STAB1: variants seen among roughly 807,000 people sequenced by gnomAD.
The protein encoded by STAB1 is stabilin 1.
Under a neutral mutation model 332.4 loss-of-function variants are expected in STAB1, and 250 were observed. The observed-to-expected ratio is 0.75, with a 90% confidence interval of 0.68 to 0.84. The LOEUF (loss-of-function observed/expected upper bound fraction) is 0.84. Ranked by LOEUF, STAB1 falls within the 40% of genes least tolerant of loss-of-function variation. The pLI is 0.00. For synonymous variants in STAB1, 1,475 were observed against 1,390.4 expected, an observed-to-expected ratio of 1.06 and a Z score of -1.35; for missense variants, 3,249 against 3,489.7, an observed-to-expected ratio of 0.93 and a Z score of 1.74.
At chr3:52,513,045 A>AC (rs71633093) in intron 29 of STAB1, 85 bp from the exon 30 acceptor site, 2 of 1,558,336 alleles carry the variant, frequency 1.3e-6, no homozygotes, top group African/African-American at 2.7e-5. Flanking sequence ...GCAGGCACTC[A>AC]CCCCTTGGGG....
Position 52,501,632 on chromosome 3 carries a change from C to A in STAB1, c.216-6C>A. The stretch of plus-strand genomic sequence containing the variant: ...TTCCATCACCCTGCCCACCCTCTGC[C>A]CCCAGCTACGAAGTACAGCTGGGGG... On this transcript the variant is annotated splice_region_variant and splice_polypyrimidine_tract_variant and intron_variant, in intron 2 of 68. Coordinates refer to ENST00000321725, the MANE Select transcript of STAB1 (RefSeq NM_015136.3). 2 of 1,553,140 alleles carry A rather than the reference C, an allele frequency of 1.3e-6. No homozygotes were observed. Among genetic ancestry groups the A allele is most frequent in the Non-Finnish European group, 1.7e-6 (2 of 1,148,508 alleles).
Position 52,502,048 on chromosome 3 carries a change from C to T in STAB1, c.374C>T (p.Thr125Ile), listed in dbSNP as rs541177060. ...GAGACCCCATGCAATGGCCACGGGACCTGCTTGGATGGCATGGACAGGAAT... is the reference window on the plus strand; with the variant it reads ...GAGACCCCATGCAATGGCCACGGGATCTGCTTGGATGGCATGGACAGGAAT... ...GAETPCNGHG[T>I]CLDGMDRNGT... The change falls in exon 4 of 69, where the codon ACC becomes ATC. Residue 125 changes from threonine (T) to isoleucine (I), a missense_variant. Transcript: ENST00000321725. The T allele has an allele frequency of 1.2e-6, 2 of 1,613,444 alleles. No homozygotes were observed. Among genetic ancestry groups the T allele is most frequent in the Non-Finnish European group, 1.7e-6 (2 of 1,180,018 alleles).
At chr3:52,518,906 C>CCTCGCCCCGCCCCGCCCCGCCCCGT in intron 48 of STAB1, 37 bp downstream of exon 48, 1 of 1,438,326 alleles carries the variant, frequency 7.0e-7, no homozygotes, top group Non-Finnish European at 9.1e-7. Context: ...CTCCATCCCG[C>CCTCGCCCCGCCCCGCCCCGCCCCGT]CCCGCCCCGC....
Position 52,520,878 on chromosome 3 carries a change from C to T in STAB1, c.5781C>T (p.Arg1927=), listed in dbSNP as rs767428877. The change falls in exon 55 of 69, where the codon CGC becomes CGT. Residue 1927 remains arginine, a synonymous_variant. Transcript: ENST00000321725. ...TSPPLHSLGL[R]SVWVHPSLWG... Reference sequence around the variant, plus strand: ...CTCCGCTGCACTCTTTGGGATTACGCAGCGTCTGGGTCCACCCCAGCCTTT... The same window carrying T: ...CTCCGCTGCACTCTTTGGGATTACGTAGCGTCTGGGTCCACCCCAGCCTTT... 4 of 1,612,430 alleles carry T rather than the reference C, an allele frequency of 2.5e-6. No individual in the cohort carries two copies. In the South Asian group the frequency reaches 4.4e-5, roughly 18 times the overall value.
At chr3:52,503,241 G>T in intron 7 of STAB1, 103 bp from the exon 8 acceptor site, 1 of 1,507,270 alleles carries the variant, frequency 6.6e-7, no homozygotes. Context: ...CTATCCTCAA[G>T]GCCTAGGTCA....
At position 52,523,732 on chromosome 3, in the gene STAB1, C is replaced by T; in HGVS notation, c.7371C>T (p.Ser2457=). Residue 2457 remains serine (S), a synonymous_variant, in exon 66 of 69, where the codon AGC becomes AGT. Coordinates refer to ENST00000321725, the MANE Select transcript of STAB1 (RefSeq NM_015136.3). The part of the protein sequence containing the change: ...AFNGIIHALA[S]PLLAPPQPQA... The stretch of plus-strand genomic sequence containing the variant: ...ATGGCATCATCCATGCTCTGGCCAG[C>T]CCCCTCCTGGCACCCCCACAGCCCG... 3 of 1,600,134 alleles carry T rather than the reference C, an allele frequency of 1.9e-6. No homozygotes were observed. Among genetic ancestry groups the T allele is most frequent in the Middle Eastern group, 1.7e-4 (1 of 6,034 alleles).
Position 52,508,012 on chromosome 3 carries a change from A to C in STAB1, c.2134A>C (p.Asn712His). ...VLKKGCASYC[N>H]QTIMEQGCCK... is the part of the protein sequence containing the mutation. ...AAAGAAGGGCTGTGCCAGCTACTGC[A>C]ACCAAACCATCATGGTAAGCGTGGG... The change falls in exon 20 of 69, where the codon AAC (asparagine) becomes CAC (histidine). Residue 712 changes from asparagine to histidine, a missense_variant. Physicochemically the swap from Asn to His is moderately conservative, Grantham distance 68. Transcript: ENST00000321725. 6.2e-7 allele frequency: 1 copy of C among 1,613,586 alleles called. No homozygotes were observed. The highest frequency in any genetic ancestry group is 8.5e-7 in the Non-Finnish European group (1 of 1,179,968).
Position 52,523,635 on chromosome 3 carries a change from C to T in STAB1, c.7291-17C>T. 1 of 1,612,906 alleles carries T rather than the reference C, an allele frequency of 6.2e-7. No homozygotes were observed. The highest frequency in any genetic ancestry group is 1.1e-5 in the South Asian group (1 of 91,086). Reference sequence around the variant, plus strand: ...TGGCCCTCGCTCACAGTGGGCCTGACTCTGGTCTCCCTGCAGGCCCCAGGG... The same window carrying T: ...TGGCCCTCGCTCACAGTGGGCCTGATTCTGGTCTCCCTGCAGGCCCCAGGG... On this transcript the variant is annotated splice_polypyrimidine_tract_variant and intron_variant, in intron 65 of 68. Transcript: ENST00000321725.
chr3:52,504,833 C>T lies in STAB1; in HGVS notation c.1334C>T (p.Thr445Met), dbSNP rs778458029. The change falls in exon 12 of 69, where the codon ACG becomes ATG. Residue 445 changes from threonine (T) to methionine (M), a missense_variant. Transcript: ENST00000321725. ...TRTQQTRRWW[T>M]LAGQEITVTF... is the part of the protein sequence containing the mutation. ...ACCCAACAAACACGAAGGTGGTGGA[C>T]GCTGGCCGGGCAGGAGATCACCGTC... is the stretch of plus-strand genomic sequence containing the variant. The T allele has an allele frequency of 1.9e-5, 31 of 1,613,676 alleles. No individual in the cohort carries two copies. Among genetic ancestry groups the T allele is most frequent in the Admixed American group, 3.3e-5 (2 of 60,000 alleles).
chr3:52,519,953 C>T lies in STAB1; in HGVS notation c.5245C>T (p.Leu1749Phe), dbSNP rs1325948831. 4 of 1,580,808 alleles carry T rather than the reference C, an allele frequency of 2.5e-6. No individual in the cohort carries two copies. Among genetic ancestry groups the T allele is most frequent in the African/African-American group, 2.7e-5 (2 of 73,864 alleles). The change falls in exon 51 of 69, where the codon CTC becomes TTC. Residue 1749 changes from leucine (L) to phenylalanine (F), a missense_variant. By Grantham distance (22) the Leu-to-Phe change is conservative (BLOSUM62 0). Transcript: ENST00000321725. ...TGCTGCACCCCACCAGGTGGCCGGC[C>T]TCCTGCCCCTGCTTCGAGAGGCATC... ...IFSGLLKVAG[L>F]LPLLREASHR...
chr3:52,515,472 G>T lies in STAB1; in HGVS notation c.3914G>T (p.Arg1305Leu), dbSNP rs549309835. 1 of 1,613,406 alleles carries T rather than the reference G, an allele frequency of 6.2e-7. No homozygotes were observed. Among genetic ancestry groups the T allele is most frequent in the Non-Finnish European group, 8.5e-7 (1 of 1,180,004 alleles). Reference sequence around the variant, plus strand: ...TACCGATCTGGCTTCTCCTTCTCCCGGGGCTGCTCTTACACATGTGCCAAG... The same window carrying T: ...TACCGATCTGGCTTCTCCTTCTCCCTGGGCTGCTCTTACACATGTGCCAAG... ...CVYRSGFSFS[R>L]GCSYTCAKKI... Residue 1305 changes from arginine to leucine, a missense_variant, in exon 37 of 69, where the codon CGG (arginine) becomes CTG (leucine). Physicochemically the swap from Arg to Leu is moderately radical, Grantham distance 102. Coordinates refer to ENST00000321725, the MANE Select transcript of STAB1 (RefSeq NM_015136.3).
chr3:52,495,524 G>T, intron 1 of STAB1, 33 bp downstream of exon 1: 1 of 1,301,876 alleles, frequency 7.7e-7, no homozygotes, highest in South Asian at 3.0e-5. Context: ...GGCACACGGC[G>T]TCTGGGCCCT....
rs368165101 is a variant in STAB1 at position 52,512,791 on chromosome 3, C to T, written c.3028-37C>T. ...GGATCTGAAGATGATGGCTGCCTTC[C>T]TCGCTCCTCCCGCCCCTGCTCCCTG... On this transcript the variant is annotated intron_variant, in intron 28 of 68. Coordinates refer to ENST00000321725, the MANE Select transcript of STAB1 (RefSeq NM_015136.3). 3.0e-4 allele frequency: 483 copies of T among 1,604,536 alleles called. 1 individual carries two copies. The highest frequency in any genetic ancestry group is 6.6e-4 in the Middle Eastern group (4 of 6,048).
intron 45 of STAB1, 103 bp from the exon 46 acceptor site, chr3:52,518,209 C>T: frequency 6.4e-7 from 1 of 1,572,360 alleles, no homozygotes; most frequent in Non-Finnish European, 8.7e-7. Context: ...GCTTTCCTTT[C>T]CTCATGTCTG....
Position 52,518,777 on chromosome 3 carries a change from G to C in STAB1, c.4942G>C (p.Val1648Leu). The C allele has an allele frequency of 6.2e-7, 1 of 1,612,488 alleles. No individual in the cohort carries two copies. The highest frequency in any genetic ancestry group is 8.5e-7 in the Non-Finnish European group (1 of 1,179,828). The change falls in exon 48 of 69, where the codon GTT becomes CTT. Residue 1648 changes from valine (V) to leucine (L), a missense_variant. By Grantham distance (32) the Val-to-Leu change is conservative. Coordinates refer to ENST00000321725, the MANE Select transcript of STAB1 (RefSeq NM_015136.3). ...HRQLVFRYHVVGCRRLRSEDL... is the reference protein window; with the variant it reads ...HRQLVFRYHVLGCRRLRSEDL... The stretch of plus-strand genomic sequence containing the variant: ...CCAGCTGGTGTTTCGCTACCACGTG[G>C]TTGGCTGTCGGCGGCTGCGGAGCGA...
At chr3:52,505,489 G>A (rs184982850) in intron 14 of STAB1, 108 bp downstream of exon 14, 2 of 1,302,476 alleles carry the variant, frequency 1.5e-6, no homozygotes, top group East Asian at 5.0e-5. Flanking sequence ...GAAGTAGCAT[G>A]GCCTCTGCCC....
At position 52,503,760 on chromosome 3, in the gene STAB1, G is replaced by A. The variant is rs187862454; in HGVS notation, c.892-12G>A. The A allele has an allele frequency of 1.1e-4, 184 of 1,612,924 alleles. 1 individual carries two copies. In the East Asian group the frequency reaches 3.3e-3, roughly 29 times the overall value. On this transcript the variant is annotated splice_polypyrimidine_tract_variant and intron_variant, in intron 8 of 68. Coordinates refer to ENST00000321725, the MANE Select transcript of STAB1 (RefSeq NM_015136.3). ...GGACGTGGTGTTCCCCTCCTGCCCT[G>A]TCGGGGGCCAGGCCTTCTGCACCTG...
intron 27 of STAB1, 62 bp downstream of exon 27, chr3:52,512,498 A>G: frequency 1.2e-6 from 2 of 1,610,854 alleles, no homozygotes; most frequent in Non-Finnish European, 1.7e-6. Flanking sequence ...CCTCTCCAGC[A>G]CCTCAGGTGG....
At position 52,503,423 on chromosome 3, in the gene STAB1, C is replaced by T. The variant is rs775328240; in HGVS notation, c.774C>T (p.His258=). 31 of 1,613,654 alleles carry T rather than the reference C, an allele frequency of 1.9e-5. No individual in the cohort carries two copies. Among genetic ancestry groups the T allele is most frequent in the Middle Eastern group, 1.6e-4 (1 of 6,084 alleles). ...SVSPKGQAQC[H]CPENYHGDGM... ...GCCCCAAGGGGCAGGCTCAGTGTCACTGCCCTGAGAACTACCATGGCGATG... is the reference window on the plus strand; with the variant it reads ...GCCCCAAGGGGCAGGCTCAGTGTCATTGCCCTGAGAACTACCATGGCGATG... Residue 258 remains histidine, a synonymous_variant, in exon 8 of 69, where the codon CAC becomes CAT. Transcript: ENST00000321725.
Sources: gnomAD v4.1 joint callset for allele counts on GRCh38, gnomAD v4.1.1 for gene constraint, MANE v1.5 for transcripts, NCBI Gene and HGNC (gene_info 2026-07-23, HGNC 2026-07-21) for gene names.